The following DOCK5 variants were observed in gnomAD, a reference collection of about 807,000 sequenced individuals.
DOCK5 encodes dedicator of cytokinesis protein 5.
A neutral mutation model predicts 251.8 loss-of-function variants in DOCK5; 142 were observed. The observed-to-expected ratio is 0.56, with a 90% confidence interval of 0.49 to 0.65. The LOEUF is 0.65. Ranked by LOEUF, DOCK5 falls within the 30% of genes least tolerant of loss-of-function variation. DOCK5 has a pLI of 0.00. For missense variants in DOCK5, 2,111 were observed against 2,312.3 expected, an observed-to-expected ratio of 0.91 and a Z score of 1.79; for synonymous variants, 842 against 835.5, an observed-to-expected ratio of 1.01 and a Z score of -0.13.
intron 24 of DOCK5, 89 bp from the exon 25 acceptor site, chr8:25,342,312 C>T (rs1414332189): frequency 8.1e-6 from 8 of 990,770 alleles, no homozygotes; most frequent in African/African-American, 3.3e-5. Flanking sequence ...TCTCCATGCC[C>T]AAATCTCAGA....
intron 6 of DOCK5, among the ~76,000 whole-genome samples, chr8:25,292,704 C>T (rs1804525116): frequency 2.0e-5 from 3 of 152,180 alleles, no homozygotes; most frequent in African/African-American, 7.2e-5. Context: ...CATGCCTGCA[C>T]TCCAGCCTGG....
chr8:25,366,617 A>T (rs541754038), intron 30 of DOCK5, among the ~76,000 whole-genome samples: 1 of 152,218 alleles, frequency 6.6e-6, no homozygotes, highest in Non-Finnish European at 1.5e-5. Flanking sequence ...AAATAGATAC[A>T]CTTCTTGGCA....
At chr8:25,298,525 A>T (rs1189325348) in intron 7 of DOCK5, among the ~76,000 whole-genome samples, 1 of 152,166 alleles carries the variant, frequency 6.6e-6, no homozygotes, top group South Asian at 2.1e-4. Context: ...GCATTTGTCC[A>T]CTTACATACA....
chr8:25,302,065 C>T (rs1804779705), intron 9 of DOCK5, among the ~76,000 whole-genome samples: 1 of 152,202 alleles, frequency 6.6e-6, no homozygotes, highest in Non-Finnish European at 1.5e-5. Context: ...CTGGAGACTT[C>T]CAACGGGCTG....
chr8:25,295,817 T>G (rs76083544), intron 6 of DOCK5, among the ~76,000 whole-genome samples: 3 of 145,854 alleles, frequency 2.1e-5, no homozygotes, highest in South Asian at 2.1e-4. Context: ...GTGTATGTAT[T>G]TATTTATTTA....
rs576077215 is a variant in DOCK5, at chr8:25,330,449, G to A, written c.1904-1802G>A. The stretch of plus-strand genomic sequence containing the variant: ...CTTACCAAATACATAGTATTTCTGG[G>A]TATTTCAGGCAAAGGGAAGAATATA... On this transcript the variant is annotated intron_variant, in intron 18 of 51. Transcript: ENST00000276440. Among the ~76,000 whole-genome samples the A allele has an allele frequency of 1.2e-4, 18 of 152,284 alleles. No individual in the cohort carries two copies. In the South Asian group the frequency reaches 1.2e-3, roughly 11 times the overall value.
chr8:25,378,894 T>G (rs1324385438), intron 38 of DOCK5, among the ~76,000 whole-genome samples: 1 of 152,180 alleles, frequency 6.6e-6, no homozygotes, highest in Non-Finnish European at 1.5e-5. Flanking sequence ...GAGAGGAATT[T>G]TACAGCTGGG....
In DOCK5 at chr8:25,379,880, A is replaced by C. The variant is rs1481206296; in HGVS notation, c.3937-425A>C. ...CACACACACACACACACACCCATACACACACCTGTACACACACATTTCAGA... is the reference window on the plus strand; with the variant it reads ...CACACACACACACACACACCCATACCCACACCTGTACACACACATTTCAGA... On this transcript the variant is annotated intron_variant, in intron 38 of 51. Transcript: ENST00000276440. Among the ~76,000 whole-genome samples the C allele has an allele frequency of 6.1e-3, 916 of 151,228 alleles. 14 individuals carry two copies. Among genetic ancestry groups the C allele is most frequent in the African/African-American group, 0.021 (884 of 41,336 alleles).
At chr8:25,290,147 AC>A (rs1804450175) in intron 5 of DOCK5, among the ~76,000 whole-genome samples, 1 of 152,104 alleles carries the variant, frequency 6.6e-6, no homozygotes. Flanking sequence ...GAGGGCAGAA[AC>A]TTTATTACCA....
At chr8:25,389,331 A>G (rs1324532408) in intron 41 of DOCK5, 99 bp downstream of exon 41, 6 of 1,426,960 alleles carry the variant, frequency 4.2e-6, no homozygotes, top group South Asian at 1.4e-5. Flanking sequence ...TTCTCTGCAG[A>G]CACACCATCT....
At chr8:25,297,918 G>A (rs117833112) in intron 7 of DOCK5, among the ~76,000 whole-genome samples, 3,442 of 151,918 alleles carry the variant, frequency 0.023, 52 homozygotes, top group Non-Finnish European at 0.03. Flanking sequence ...TTAGCTGGAC[G>A]TGGTAGTGCA....
intron 1 of DOCK5, among the ~76,000 whole-genome samples, chr8:25,190,387 A>T (rs1193995514): frequency 6.6e-6 from 1 of 152,244 alleles, no homozygotes; most frequent in Non-Finnish European, 1.5e-5. Context: ...GACAGGTCTA[A>T]TAACTAGCAT....
chr8:25,390,445 A>T lies in DOCK5; in HGVS notation c.4355+158A>T, dbSNP rs536235852. Reference sequence around the variant, plus strand: ...AACAAAGTGGGATGCTGTCTCTACAAAAAAGAGAAAAGTTTGTCTCTCCCT... The same window carrying T: ...AACAAAGTGGGATGCTGTCTCTACATAAAAGAGAAAAGTTTGTCTCTCCCT... On this transcript the variant is annotated intron_variant, in intron 42 of 51. Coordinates refer to ENST00000276440, the MANE Select transcript of DOCK5 (RefSeq NM_024940.8). 1.0e-3 allele frequency among the ~76,000 whole-genome samples: 152 copies of T among 152,332 alleles called. 2 individuals carry two copies. The South Asian group carries it at 0.031, about 31-fold the overall frequency.
intron 32 of DOCK5, 89 bp from the exon 33 acceptor site, chr8:25,368,477 CCTTTT>C (rs1031962348): frequency 3.7e-5 from 52 of 1,416,960 alleles, no homozygotes; most frequent in South Asian, 3.4e-4. Flanking sequence ...GTTGTTTTAA[CCTTTT>C]CTTTTCTTAT....
intron 4 of DOCK5, 101 bp downstream of exon 4, chr8:25,275,542 C>G (rs796933101): frequency 2.5e-6 from 3 of 1,207,242 alleles, no homozygotes; most frequent in East Asian, 5.2e-5. Flanking sequence ...GTTAATAGTT[C>G]TCTCATCTCA....
intron 5 of DOCK5, among the ~76,000 whole-genome samples, chr8:25,291,103 G>A (rs932152189): frequency 1.3e-5 from 2 of 152,176 alleles, no homozygotes; most frequent in Admixed American, 1.3e-4. Context: ...GGAATGTGTG[G>A]AAGAGTCAAG....
intron 45 of DOCK5, among the ~76,000 whole-genome samples, chr8:25,399,508 T>G (rs558750996): frequency 6.6e-6 from 1 of 152,248 alleles, no homozygotes; most frequent in South Asian, 2.1e-4. Context: ...ATCTTCTGTT[T>G]TTTAACTTTT....
Position 25,411,457 on chromosome 8 carries a change from C to T in DOCK5, c.*159C>T. ...AAAACCAGTCATGTTCTTCCAAAAGCTTCTCTTTGATAGAATTTTGAGGCC... is the reference window on the plus strand; with the variant it reads ...AAAACCAGTCATGTTCTTCCAAAAGTTTCTCTTTGATAGAATTTTGAGGCC... On this transcript the variant is annotated 3_prime_UTR_variant, in exon 52 of 52. Coordinates refer to ENST00000276440, the MANE Select transcript of DOCK5 (RefSeq NM_024940.8). 2 of 1,092,352 alleles carry T rather than the reference C, an allele frequency of 1.8e-6. No homozygotes were observed. Among genetic ancestry groups the T allele is most frequent in the Non-Finnish European group, 2.4e-6 (2 of 845,200 alleles). 67.7% of individuals were successfully genotyped at this position (1,092,352 alleles called of 1,614,324 possible).
chr8:25,376,274 A>G (rs1055342700), intron 37 of DOCK5: 1 of 985,136 alleles, frequency 1.0e-6, no homozygotes, highest in African/African-American at 1.8e-5. Context: ...GTAAGATATG[A>G]GGTATGAATG....
Sources: allele counts gnomAD v4.1 joint callset (sites outside exome capture counted in the v4.1 genomes callset), GRCh38; gene constraint gnomAD v4.1.1; transcripts MANE v1.5; gene names NCBI Gene and HGNC (gene_info 2026-07-23, HGNC 2026-07-21).